Variants in CNTN5 observed in about 807,000 individuals in gnomAD.
The protein encoded by CNTN5 is contactin-5.
Under a neutral mutation model 129.1 loss-of-function variants are expected in CNTN5, and 77 were observed. That is an observed-to-expected ratio of 0.60 (90% CI 0.50 to 0.72). CNTN5 has a LOEUF of 0.72. Among genes scored for constraint, CNTN5 ranks in the 30% least tolerant of loss-of-function variants. CNTN5 has a pLI of 0.00. For missense variants in CNTN5, 1,478 were observed against 1,328.8 expected (o/e 1.11, Z -1.75); for synonymous variants, 509 against 465.6 (o/e 1.09, Z -1.20).
intron 3 of CNTN5, among the ~76,000 whole-genome samples, chr11:99,567,552 G>T (rs1949046209): frequency 6.6e-6 from 1 of 151,978 alleles, no homozygotes; most frequent in Admixed American, 6.6e-5. Context: ...ACAGAACTTT[G>T]TCACTGCCAG....
Position 100,002,070 on chromosome 11 carries a change from A to T in CNTN5, c.914A>T (p.His305Leu), listed in dbSNP as rs1290653612. 4 of 1,599,082 alleles carry T rather than the reference A, an allele frequency of 2.5e-6. No homozygotes were observed. The South Asian group carries it at 3.4e-5, about 14-fold the overall frequency. ...GAATATGAGCCGAAAATTGAGGTCC[A>T]TTTTCCTTTCACGGTTACAGCTGCT... ...MGEYEPKIEV[H>L]FPFTVTAAKG... is the part of the protein sequence containing the mutation. Residue 305 changes from histidine (H) to leucine (L), a missense_variant, in exon 9 of 25, where the codon CAT becomes CTT. Coordinates refer to ENST00000524871, the MANE Select transcript of CNTN5 (RefSeq NM_014361.4).
Position 99,924,296 on chromosome 11 carries a change from A to G in CNTN5, c.673+8147A>G, listed in dbSNP as rs1297941665. The stretch of plus-strand genomic sequence containing the variant: ...GGTTTTGTTGCATTTGCTTTTGAGA[A>G]CTTAGTCATATTTTTTTTGCCTAGG... On this transcript the variant is annotated intron_variant, in intron 7 of 24. Coordinates refer to ENST00000524871, the MANE Select transcript of CNTN5 (RefSeq NM_014361.4). Among the ~76,000 whole-genome samples, 9 of 151,952 alleles carry G rather than the reference A, an allele frequency of 5.9e-5. 1 individual carries two copies. The highest frequency in any genetic ancestry group is 4.6e-4 in the Admixed American group (7 of 15,256).
chr11:99,165,297 A>T (rs1166135237), intron 1 of CNTN5, among the ~76,000 whole-genome samples: 1 of 152,188 alleles, frequency 6.6e-6, no homozygotes, highest in Non-Finnish European at 1.5e-5. Flanking sequence ...TCATTCACTA[A>T]ATTTACTAAG....
intron 1 of CNTN5, among the ~76,000 whole-genome samples, chr11:99,142,410 C>A (rs1182085696): frequency 6.6e-6 from 1 of 152,102 alleles, no homozygotes; most frequent in South Asian, 2.1e-4. Flanking sequence ...CAGGCAGGTG[C>A]GCACCAATGG....
intron 13 of CNTN5, among the ~76,000 whole-genome samples, chr11:100,183,245 A>C (rs1243464977): frequency 6.6e-6 from 1 of 152,166 alleles, no homozygotes; most frequent in Non-Finnish European, 1.5e-5. Context: ...TGCAATCTTA[A>C]ATATTTACCC....
intron 1 of CNTN5, among the ~76,000 whole-genome samples, chr11:99,111,435 A>T (rs1259874437): frequency 6.6e-6 from 1 of 152,118 alleles, no homozygotes; most frequent in Non-Finnish European, 1.5e-5. Flanking sequence ...GGACATTTGA[A>T]GGATGTTTCC....
At chr11:99,833,742 A>G (rs1003267021) in intron 4 of CNTN5, among the ~76,000 whole-genome samples, 3 of 152,166 alleles carry the variant, frequency 2.0e-5, no homozygotes, top group Non-Finnish European at 2.9e-5. Context: ...GTCATAATTT[A>G]TAATAGAACT....
chr11:100,079,864 T>C (rs1389168758), intron 13 of CNTN5, among the ~76,000 whole-genome samples: 1 of 152,152 alleles, frequency 6.6e-6, no homozygotes, highest in East Asian at 1.9e-4. Context: ...CAAACTCATA[T>C]TGGATTTTCA....
intron 2 of CNTN5, among the ~76,000 whole-genome samples, chr11:99,502,185 G>A (rs1565236263): frequency 6.6e-6 from 1 of 152,222 alleles, no homozygotes; most frequent in Non-Finnish European, 1.5e-5. Flanking sequence ...TTTATCAACA[G>A]TCTGTATTGT....
intron 1 of CNTN5, among the ~76,000 whole-genome samples, chr11:99,143,556 T>G (rs1459588181): frequency 6.6e-6 from 1 of 151,960 alleles, no homozygotes; most frequent in East Asian, 1.9e-4. Flanking sequence ...CCTTCCTTCT[T>G]TCCTTTCTCC....
chr11:99,816,721 C>A (rs567114115), intron 3 of CNTN5, among the ~76,000 whole-genome samples: 2 of 152,280 alleles, frequency 1.3e-5, no homozygotes, highest in East Asian at 3.9e-4. Flanking sequence ...CGTTGCTCTC[C>A]TTTCAAAGCT....
intron 16 of CNTN5, among the ~76,000 whole-genome samples, chr11:100,247,076 G>A (rs1949855090): frequency 6.6e-6 from 1 of 152,196 alleles, no homozygotes; most frequent in Non-Finnish European, 1.5e-5. Context: ...TACTATGAAT[G>A]TATGCAATAC....
chr11:99,656,568 T>G (rs1952373589), intron 3 of CNTN5, among the ~76,000 whole-genome samples: 2 of 152,148 alleles, frequency 1.3e-5, no homozygotes, highest in African/African-American at 4.8e-5. Context: ...CCTGGACCCA[T>G]GCACTAGTTA....
At chr11:99,358,379 C>T (rs1555119984) in intron 2 of CNTN5, among the ~76,000 whole-genome samples, 1 of 127,140 alleles carries the variant, frequency 7.9e-6, no homozygotes, top group Non-Finnish European at 1.7e-5. Flanking sequence ...CAGCCGGGCG[C>T]GGTGGCCGAA....
intron 1 of CNTN5, among the ~76,000 whole-genome samples, chr11:99,052,060 T>C (rs1346488332): frequency 5.9e-5 from 9 of 151,868 alleles, no homozygotes; most frequent in Non-Finnish European, 1.3e-4. Flanking sequence ...GTAGTTATGC[T>C]AAGGCAGTTG....
At chr11:99,772,528 T>C (rs1944981431) in intron 3 of CNTN5, among the ~76,000 whole-genome samples, 1 of 152,034 alleles carries the variant, frequency 6.6e-6, no homozygotes, top group African/African-American at 2.4e-5. Context: ...ATGTAATGTG[T>C]ACCCTTCCTG....
At chr11:99,371,841 T>C (rs1939844913) in intron 2 of CNTN5, among the ~76,000 whole-genome samples, 1 of 152,200 alleles carries the variant, frequency 6.6e-6, no homozygotes, top group Admixed American at 6.5e-5. Context: ...TCTACAACCT[T>C]CGATACTGTC....
At chr11:99,263,248 T>A (rs1862728655) in intron 1 of CNTN5, among the ~76,000 whole-genome samples, 2 of 152,132 alleles carry the variant, frequency 1.3e-5, no homozygotes, top group Non-Finnish European at 2.9e-5. Flanking sequence ...TTGCTGACAC[T>A]ACCCTGATCT....
chr11:100,246,975 A>T (rs534512895), intron 16 of CNTN5, among the ~76,000 whole-genome samples: 1 of 152,332 alleles, frequency 6.6e-6, no homozygotes, highest in South Asian at 2.1e-4. Context: ...TAAAATCTAA[A>T]GAGGAAAGCC....
Sources: allele counts gnomAD v4.1 joint callset (sites outside exome capture counted in the v4.1 genomes callset), GRCh38; gene constraint gnomAD v4.1.1; transcripts MANE v1.5; gene names NCBI Gene and HGNC (gene_info 2026-07-23, HGNC 2026-07-21).